PLCL2: variants seen among roughly 807,000 people sequenced by gnomAD.
PLCL2 encodes phospholipase C like 2.
Under a neutral mutation model 79.6 loss-of-function variants are expected in PLCL2, and 4 were observed. The ratio of observed to expected loss-of-function variants is 0.05; its 90% CI spans 0.02 to 0.11. The LOEUF (loss-of-function observed/expected upper bound fraction) is 0.11. PLCL2 is among the 10% of genes least tolerant of loss of function. PLCL2 has a pLI of 1.00. For missense variants in PLCL2, 895 were observed against 1,291.0 expected, an observed-to-expected ratio of 0.69 and a Z score of 4.70; for synonymous variants, 484 against 457.7, an observed-to-expected ratio of 1.06 and a Z score of -0.73.
At chr3:17,052,236 CAAAA>C (rs35316797) in intron 4 of PLCL2, among the ~76,000 whole-genome samples, 1 of 97,242 alleles carries the variant, frequency 1.0e-5, no homozygotes, top group African/African-American at 3.7e-5. Flanking sequence ...GTGAATATGG[CAAAA>C]AAAAAAAAAA....
intron 1 of PLCL2, among the ~76,000 whole-genome samples, chr3:16,895,178 A>G (rs919189215): frequency 3.9e-5 from 6 of 152,150 alleles, no homozygotes; most frequent in South Asian, 2.1e-4. Flanking sequence ...CTAGTATGTG[A>G]CTTGCTTTTT....
intron 3 of PLCL2, among the ~76,000 whole-genome samples, chr3:17,029,918 G>A (rs1255861665): frequency 6.6e-6 from 1 of 152,178 alleles, no homozygotes; most frequent in Non-Finnish European, 1.5e-5. Flanking sequence ...TCCCTGGCAT[G>A]TTTTGCAAAG....
At chr3:17,087,322 G>A (rs2065230917) in intron 5 of PLCL2, among the ~76,000 whole-genome samples, 1 of 152,204 alleles carries the variant, frequency 6.6e-6, no homozygotes, top group African/African-American at 2.4e-5. Flanking sequence ...ATATTATTCA[G>A]CACTAAAAAG....
intron 5 of PLCL2, among the ~76,000 whole-genome samples, chr3:17,077,253 T>C (rs541926237): frequency 2.8e-4 from 42 of 152,364 alleles, no homozygotes; most frequent in African/African-American, 9.9e-4. Context: ...TTTCTAATTG[T>C]ATGCCAGCCA....
intron 1 of PLCL2, among the ~76,000 whole-genome samples, chr3:16,958,013 A>G (rs2063722828): frequency 6.6e-6 from 1 of 152,212 alleles, no homozygotes; most frequent in Non-Finnish European, 1.5e-5. Context: ...TAATTGGAGC[A>G]TGCAGTCCAT....
chr3:16,937,922 A>AT (rs1342175070), intron 1 of PLCL2, among the ~76,000 whole-genome samples: 2 of 152,176 alleles, frequency 1.3e-5, no homozygotes, highest in African/African-American at 4.8e-5. Context: ...TTTAAATTGG[A>AT]TTTTTTTGTA....
chr3:17,008,885 A>G (rs544236792), intron 1 of PLCL2, among the ~76,000 whole-genome samples: 2 of 152,122 alleles, frequency 1.3e-5, no homozygotes, highest in African/African-American at 2.4e-5. Flanking sequence ...TGGCAAGATC[A>G]TAGCTCATTG....
intron 3 of PLCL2, among the ~76,000 whole-genome samples, chr3:17,034,819 A>G (rs776384220): frequency 6.6e-6 from 1 of 152,182 alleles, no homozygotes; most frequent in Non-Finnish European, 1.5e-5. Flanking sequence ...GAAGCTGTCC[A>G]TGTTAAGAGA....
intron 1 of PLCL2, among the ~76,000 whole-genome samples, chr3:16,892,078 A>G (rs1696364764): frequency 6.6e-6 from 1 of 152,228 alleles, no homozygotes; most frequent in Admixed American, 6.5e-5. Context: ...TTTGTTGAAT[A>G]AATGTGTGAA....
intron 1 of PLCL2, among the ~76,000 whole-genome samples, chr3:16,916,829 G>T (rs76472873): frequency 0.022 from 3,343 of 152,110 alleles, 47 homozygotes; most frequent in Non-Finnish European, 0.033. Context: ...GGTATTCAAG[G>T]CTGTATGGTT....
At chr3:16,992,532 A>C (rs767999827) in intron 1 of PLCL2, among the ~76,000 whole-genome samples, 39 of 152,228 alleles carry the variant, frequency 2.6e-4, no homozygotes, top group Non-Finnish European at 4.4e-4. Flanking sequence ...AGAGTGTGGG[A>C]GAGGCAAGAG....
intron 1 of PLCL2, among the ~76,000 whole-genome samples, chr3:16,994,786 T>G (rs1447051340): frequency 6.6e-6 from 1 of 152,194 alleles, no homozygotes; most frequent in Non-Finnish European, 1.5e-5. Context: ...CCGTGTTCCC[T>G]TTGTGAAAGG....
At chr3:16,921,537 G>A (rs561510559) in intron 1 of PLCL2, among the ~76,000 whole-genome samples, 1 of 152,256 alleles carries the variant, frequency 6.6e-6, no homozygotes, top group African/African-American at 2.4e-5. Flanking sequence ...CCTAAAAGGG[G>A]ATCTTATTTC....
At chr3:16,907,128 TA>T (rs1163267666) in intron 1 of PLCL2, among the ~76,000 whole-genome samples, 1 of 152,236 alleles carries the variant, frequency 6.6e-6, no homozygotes, top group African/African-American at 2.4e-5. Context: ...ATATTTAATT[TA>T]AGCCCTGTTT....
At chr3:17,050,657 A>T (rs2064830016) in intron 4 of PLCL2, among the ~76,000 whole-genome samples, 1 of 152,194 alleles carries the variant, frequency 6.6e-6, no homozygotes, top group Non-Finnish European at 1.5e-5. Context: ...AATTCTGGCG[A>T]GGCTGTGGAG....
intron 1 of PLCL2, among the ~76,000 whole-genome samples, chr3:16,991,441 G>A (rs978250800): frequency 6.6e-6 from 1 of 152,158 alleles, no homozygotes; most frequent in Non-Finnish European, 1.5e-5. Context: ...AGTGCTGTGA[G>A]CTACTGTGGA....
intron 1 of PLCL2, among the ~76,000 whole-genome samples, chr3:16,987,889 A>C (rs147787671): frequency 5.1e-4 from 77 of 152,336 alleles, no homozygotes; most frequent in African/African-American, 1.7e-3. Flanking sequence ...ATTAAAGTAA[A>C]TGTAATAATT....
chr3:16,966,943 GC>G (rs1397089931), intron 1 of PLCL2, among the ~76,000 whole-genome samples: 1 of 152,012 alleles, frequency 6.6e-6, no homozygotes, highest in Admixed American at 6.6e-5. Flanking sequence ...CCTGAATTAG[GC>G]CCTGGTGCCT....
At position 16,947,103 on chromosome 3, in the gene PLCL2, A is replaced by T. The variant is rs368460778; in HGVS notation, c.327+61737A>T. Among the ~76,000 whole-genome samples, 8 of 151,280 alleles carry T rather than the reference A, an allele frequency of 5.3e-5. 1 individual carries two copies. The highest frequency in any genetic ancestry group is 6.6e-5 in the Admixed American group (1 of 15,168). ...CCCAAGTAGCTTGGACCACAGGCAC[A>T]TGCCACCACAACTGGCTAATTTTAT... On this transcript the variant is annotated intron_variant, in intron 1 of 5. Coordinates refer to ENST00000615277, the MANE Select transcript of PLCL2 (RefSeq NM_001144382.2).
Sources: gnomAD v4.1 joint callset for allele counts (sites outside exome capture counted in the v4.1 genomes callset) on GRCh38, gnomAD v4.1.1 for gene constraint, MANE v1.5 for transcripts, NCBI Gene and HGNC (gene_info 2026-07-23, HGNC 2026-07-21) for gene names.